The following TAF6 variants were observed in gnomAD, a reference collection of about 807,000 sequenced individuals.
TAF6 encodes transcription initiation factor TFIID subunit 6.
A neutral mutation model predicts 73.5 loss-of-function variants in TAF6; 50 were observed. The observed-to-expected ratio is 0.68, with a 90% CI of 0.54 to 0.86. The LOEUF (loss-of-function observed/expected upper bound fraction) is 0.86, where lower values mean the gene tolerates loss of function less well. Ranked by LOEUF, TAF6 falls within the 40% of genes least tolerant of loss-of-function variation. The pLI, the probability that TAF6 is intolerant of heterozygous loss-of-function variation, is 0.00. For missense variants in TAF6, 768 were observed against 899.5 expected, an observed-to-expected ratio of 0.85 and a Z score of 1.87; for synonymous variants, 424 against 376.7, an observed-to-expected ratio of 1.13 and a Z score of -1.45.
At chr7:100,112,318 C>A in intron 6 of TAF6, 65 bp from the exon 7 acceptor site, 2 of 1,555,500 alleles carry the variant, frequency 1.3e-6, no homozygotes, top group Non-Finnish European at 1.7e-6. Context: ...AACAGAAGAA[C>A]CTTAACCCTC....
At chr7:100,122,657 GCCC>G, upstream of TAF6, 2 of 1,506,574 alleles carry the variant, frequency 1.3e-6, no homozygotes, top group Non-Finnish European at 1.8e-6. Flanking sequence ...GAGGTTATCT[GCCC>G]ATCATCTCAC....
rs753657190 is a variant in TAF6, at chr7:100,114,248, C to T, written c.-39G>A. ...TTCTCCTCCCTGGAAGGATGAAGCC[C>T]CCGGTGGAGAGACGGAGACCCTGGC... is the stretch of plus-strand genomic sequence containing the variant. On this transcript the variant is annotated 5_prime_UTR_variant, in exon 2 of 15. Transcript: ENST00000453269. 1 of 1,613,888 alleles carries T rather than the reference C, an allele frequency of 6.2e-7. No homozygotes were observed. The highest frequency in any genetic ancestry group is 8.5e-7 in the Non-Finnish European group (1 of 1,180,040).
At chr7:100,126,528 C>T in the TAF6 span, among the ~76,000 whole-genome samples, 1 of 152,070 alleles carries the variant, frequency 6.6e-6, no homozygotes, top group Non-Finnish European at 1.5e-5. Flanking sequence ...GGCGCGGTGG[C>T]TCACACCTGT....
At position 100,107,314 on chromosome 7, in the gene TAF6, G is replaced by A. The variant is rs1158538414; in HGVS notation, c.1966C>T (p.Pro656Ser). The A allele has an allele frequency of 7.2e-6, 11 of 1,534,552 alleles. No individual in the cohort carries two copies. The highest frequency in any genetic ancestry group is 1.3e-5 in the South Asian group (1 of 77,964). The change falls in exon 15 of 15, where the codon CCA becomes TCA. Residue 656 changes from proline (P) to serine (S), a missense_variant. By Grantham distance (74) the Pro-to-Ser change is moderately conservative (BLOSUM62 -1). This residue lies in a region of TAF6 where 350 missense variants were observed against 352.3 expected (regional missense o/e 0.99). Coordinates refer to ENST00000453269, the MANE Select transcript of TAF6 (RefSeq NM_139315.3). ...GKQEAGDSPP[P>S]APGTPKANGS... ...TTGGCTTTTGGAGTCCCTGGAGCTG[G>A]AGGGGGACTGTCCCCAGCCTCCTGC... is the stretch of plus-strand genomic sequence containing the variant.
intron 5 of TAF6, 34 bp from the exon 6 acceptor site, chr7:100,112,951 T>C (rs770331109): frequency 1.3e-6 from 2 of 1,559,478 alleles, no homozygotes; most frequent in Non-Finnish European, 1.7e-6. Context: ...GGAGGGGTGA[T>C]GAGCATAGTA....
At chr7:100,120,075 T>C, upstream of TAF6, 2 of 464,928 alleles carry the variant, frequency 4.3e-6, no homozygotes, top group East Asian at 7.6e-5. Context: ...TTTTTTTGGC[T>C]GGCTTGGAAC....
intron 13 of TAF6, 56 bp from the exon 14 acceptor site, chr7:100,108,179 G>A: frequency 6.5e-7 from 1 of 1,530,286 alleles, no homozygotes; most frequent in Non-Finnish European, 8.8e-7. Context: ...AGAGGAGTCT[G>A]AAGGGAGAGG....
At chr7:100,122,402 C>G (rs780105615), upstream of TAF6, 7 of 1,614,050 alleles carry the variant, frequency 4.3e-6, no homozygotes, top group South Asian at 5.5e-5. Flanking sequence ...CCTTCGTGCT[C>G]CTCCCCTTTC....
chr7:100,118,717 C>T, intron 1 of TAF6: 1 of 294,268 alleles, frequency 3.4e-6, no homozygotes, highest in Non-Finnish European at 5.0e-6. Context: ...GGAAGATTAA[C>T]ATATCAATAC....
upstream of TAF6, among the ~76,000 whole-genome samples, chr7:100,123,373 A>G (rs1052527730): frequency 6.6e-6 from 1 of 151,772 alleles, no homozygotes; most frequent in African/African-American, 2.4e-5. Flanking sequence ...AACAAAAAAA[A>G]AGAAATCATA....
Position 100,108,559 on chromosome 7 carries a change from G to A in TAF6, c.1285-19C>T, listed in dbSNP as rs1186395801. 1.3e-6 allele frequency: 2 copies of A among 1,580,454 alleles called. No homozygotes were observed. Among genetic ancestry groups the A allele is most frequent in the Non-Finnish European group, 1.7e-6 (2 of 1,158,038 alleles). On this transcript the variant is annotated intron_variant, in intron 12 of 14. Transcript: ENST00000453269. ...AGTGTTTCTGCAGAACAGAAAAAAAGCCAGGTAGAGGGAGGGCTGGGGAAA... is the reference window on the plus strand; with the variant it reads ...AGTGTTTCTGCAGAACAGAAAAAAAACCAGGTAGAGGGAGGGCTGGGGAAA...
upstream of TAF6, chr7:100,122,516 G>C: frequency 6.2e-7 from 1 of 1,614,028 alleles, no homozygotes; most frequent in Non-Finnish European, 8.5e-7. Context: ...GAGAATTTAT[G>C]TGAGCGGATC....
At chr7:100,109,886 T>A in intron 12 of TAF6, 62 bp downstream of exon 12, 1 of 1,596,582 alleles carries the variant, frequency 6.3e-7, no homozygotes, top group Non-Finnish European at 8.5e-7. Context: ...AAATATGCCA[T>A]ATGCTTGCTA....
the TAF6 span, chr7:100,125,018 C>G: frequency 2.8e-6 from 3 of 1,080,950 alleles, no homozygotes; most frequent in Non-Finnish European, 4.0e-6. Context: ...TGTTCTCTCC[C>G]ATCTAACCTC....
Position 100,113,743 on chromosome 7 carries a change from C to G in TAF6, c.270G>C (p.Glu90Asp), listed in dbSNP as rs774183959. 1.2e-6 allele frequency: 2 copies of G among 1,613,994 alleles called. No individual in the cohort carries two copies. The highest frequency in any genetic ancestry group is 4.5e-5 in the East Asian group (2 of 44,866). The change falls in exon 4 of 15, where the codon GAG becomes GAC. Residue 90 changes from glutamate to aspartate, a missense_variant. Physicochemically the swap from Glu to Asp is conservative, Grantham distance 45 (BLOSUM62 2). This residue lies in a region of TAF6 where 269 missense variants were observed against 268.0 expected (regional missense o/e 1.00). Coordinates refer to ENST00000453269, the MANE Select transcript of TAF6 (RefSeq NM_139315.3). The stretch of plus-strand genomic sequence containing the variant: ...CAGAGGCGAAGCGGAAAGGAATGAA[C>G]TCCTGGGCGTGGAAGCCATAGAGTG... ...VEPLYGFHAQEFIPFRFASGG... is the reference protein window; with the variant it reads ...VEPLYGFHAQDFIPFRFASGG...
chr7:100,115,920 A>G (rs1562932665), intron 1 of TAF6, among the ~76,000 whole-genome samples: 1 of 152,040 alleles, frequency 6.6e-6, no homozygotes, highest in Non-Finnish European at 1.5e-5. Context: ...GCAGTGAGCC[A>G]AGATCGTGCC....
intron 9 of TAF6, 101 bp from the exon 10 acceptor site, chr7:100,111,422 G>A: frequency 7.4e-7 from 1 of 1,353,834 alleles, no homozygotes; most frequent in Non-Finnish European, 1.0e-6. Context: ...ACACAATCAT[G>A]GCTAACTGCA....
In TAF6 at chr7:100,113,651, G is replaced by A. The variant is rs1452106003; in HGVS notation, c.362C>T (p.Pro121Leu). ...GACGTCCAGGGGCACCCGGGGCAGA[G>A]GGGTATTGATGATGTCGCTCAGATC... is the stretch of plus-strand genomic sequence containing the variant. ...EVDLSDIINT[P>L]LPRVPLDVCL... Residue 121 changes from proline (P) to leucine (L), a missense_variant, in exon 4 of 15, where the codon CCT (proline) becomes CTT (leucine). This residue lies in a region of TAF6 where 269 missense variants were observed against 268.0 expected (regional missense o/e 1.00). Transcript: ENST00000453269. 1 of 1,614,022 alleles carries A rather than the reference G, an allele frequency of 6.2e-7. No individual in the cohort carries two copies.
upstream of TAF6, among the ~76,000 whole-genome samples, chr7:100,123,303 T>C (rs1459144414): frequency 2.0e-5 from 3 of 151,288 alleles, no homozygotes; most frequent in Non-Finnish European, 4.4e-5. Flanking sequence ...GATCGCACCA[T>C]TGCACTCCAG....
Sources: gnomAD v4.1 joint callset for allele counts (sites outside exome capture counted in the v4.1 genomes callset) on GRCh38, gnomAD v4.1.1 for gene constraint, gnomAD v4.1.1 regional missense constraint, MANE v1.5 for transcripts, NCBI Gene and HGNC (gene_info 2026-07-23, HGNC 2026-07-21) for gene names.